The following RTTN variants were observed in gnomAD, a reference collection of about 807,000 sequenced individuals.
RTTN encodes rotatin.
RTTN carries 182 observed loss-of-function variants against 269.2 expected under a neutral mutation model. The observed-to-expected ratio is 0.68, with a 90% CI of 0.60 to 0.76. The LOEUF is 0.76. Ranked by LOEUF, RTTN falls within the 30% of genes least tolerant of loss-of-function variation. The probability of loss-of-function intolerance (pLI) is 0.00; values close to 1 mark genes in which losing one functional copy is unlikely to be tolerated. For synonymous variants in RTTN, 1,006 were observed against 963.5 expected (o/e 1.04, Z -0.82); for missense variants, 2,545 against 2,608.6 (o/e 0.98, Z 0.53).
chr18:70,102,079 G>T lies in RTTN; in HGVS notation c.3903+7419C>A, dbSNP rs185688903. ...TTGATTTGGGGTGGAGAGTTCTGTA[G>T]ATGCCTATTAGGTCCACTTGGTGCA... On this transcript the variant is annotated intron_variant, in intron 28 of 48. Transcript: ENST00000640769. Among the ~76,000 whole-genome samples, 175 of 152,306 alleles carry T rather than the reference G, an allele frequency of 1.1e-3. 1 individual carries two copies. The highest frequency in any genetic ancestry group is 3.7e-3 in the African/African-American group (154 of 41,570).
chr18:70,067,635 A>G (rs1018215244), intron 34 of RTTN, among the ~76,000 whole-genome samples: 1 of 152,100 alleles, frequency 6.6e-6, no homozygotes, highest in African/African-American at 2.4e-5. Flanking sequence ...TCCTGCCACA[A>G]CTCTTTTGGT....
At chr18:70,085,109 G>A (rs1008149563) in intron 32 of RTTN, among the ~76,000 whole-genome samples, 1 of 152,134 alleles carries the variant, frequency 6.6e-6, no homozygotes, top group Admixed American at 6.5e-5. Flanking sequence ...TGGGAGTAGA[G>A]ATTATTTGTA....
chr18:70,138,896 G>A (rs2060188368), intron 21 of RTTN: 1 of 151,660 alleles, frequency 6.6e-6, no homozygotes, highest in African/African-American at 2.4e-5. Flanking sequence ...TGACTCTTCA[G>A]CACATTCAGA....
chr18:70,163,633 G>C (rs954000963), intron 14 of RTTN, among the ~76,000 whole-genome samples: 4 of 152,148 alleles, frequency 2.6e-5, no homozygotes, highest in Non-Finnish European at 5.9e-5. Flanking sequence ...TAGGATGAGT[G>C]TCCCTTATCT....
rs2056679427 is a variant in RTTN at position 70,020,738 on chromosome 18, C to G, written c.6030G>C (p.Leu2010=). The stretch of plus-strand genomic sequence containing the variant: ...AAGCCAACTTTAGGATACACAGCAT[C>G]AGAGAGTTGCTCACGGCTCCTCTAT... ...ATHRGAVSNS[L]MLCILKLASQ... Residue 2010 remains leucine (L), a synonymous_variant, in exon 45 of 49, where the codon CTG becomes CTC. Coordinates refer to ENST00000640769, the MANE Select transcript of RTTN (RefSeq NM_173630.4). 6.2e-7 allele frequency: 1 copy of G among 1,614,090 alleles called. No homozygotes were observed. Among genetic ancestry groups the G allele is most frequent in the Non-Finnish European group, 8.5e-7 (1 of 1,179,942 alleles).
rs576883532 is a variant in RTTN, at chr18:70,201,367, C to T, written c.487+527G>A. 9.8e-4 allele frequency among the ~76,000 whole-genome samples: 149 copies of T among 152,022 alleles called. 1 individual carries two copies. The highest frequency in any genetic ancestry group is 3.5e-4 in the Non-Finnish European group (24 of 67,946). ...CCTGTAATCCCAGCACTTTGGGAGG[C>T]CGAGGCGGGCGGATCACGAGGTCAG... On this transcript the variant is annotated intron_variant, in intron 4 of 48. Transcript: ENST00000640769.
chr18:70,139,692 A>G lies in RTTN; in HGVS notation c.2695T>C (p.Cys899Arg). Residue 899 changes from cysteine (C) to arginine (R), a missense_variant, in exon 21 of 49, where the codon TGC becomes CGC. Physicochemically the swap from Cys to Arg is radical, Grantham distance 180 (BLOSUM62 -3). Coordinates refer to ENST00000640769, the MANE Select transcript of RTTN (RefSeq NM_173630.4). ...AAAACCTTCCTCAAGAGTGTGAGGC[A>G]TGGTTGTACCAAACATTCTACAACC... is the stretch of plus-strand genomic sequence containing the variant. ...GKVVECLVQP[C>R]LTLLRKVLCG... The G allele has an allele frequency of 6.2e-7, 1 of 1,612,554 alleles. No homozygotes were observed. Among genetic ancestry groups the G allele is most frequent in the Non-Finnish European group, 8.5e-7 (1 of 1,178,858 alleles).
intron 13 of RTTN, 145 bp downstream of exon 13, chr18:70,166,774 T>G: frequency 1.7e-6 from 1 of 598,688 alleles, no homozygotes; most frequent in South Asian, 2.2e-5. Context: ...ACATATACCC[T>G]TTAAAAATCA....
At chr18:70,187,239 C>T (rs1291318151) in intron 10 of RTTN, among the ~76,000 whole-genome samples, 1 of 152,042 alleles carries the variant, frequency 6.6e-6, no homozygotes, top group South Asian at 2.1e-4. Context: ...ATCCTCATAC[C>T]TACTATTCTA....
intron 34 of RTTN, among the ~76,000 whole-genome samples, chr18:70,071,785 T>G (rs938514840): frequency 1.2e-4 from 18 of 152,100 alleles, no homozygotes; most frequent in African/African-American, 4.3e-4. Context: ...ACAAAATGGA[T>G]AGTAACCCAG....
At chr18:70,187,320 T>G (rs970757344) in intron 10 of RTTN, among the ~76,000 whole-genome samples, 5 of 152,146 alleles carry the variant, frequency 3.3e-5, no homozygotes, top group Admixed American at 6.5e-5. Flanking sequence ...CCACCTTTTA[T>G]GCAGGATGGG....
At chr18:70,091,563 T>C (rs2058846839) in intron 30 of RTTN, 2 of 152,284 alleles carry the variant, frequency 1.3e-5, no homozygotes, top group Non-Finnish European at 2.9e-5. Flanking sequence ...AACTTGACTA[T>C]GCCGGCACTC....
At chr18:70,129,813 G>A (rs917210126) in intron 23 of RTTN, 1 of 151,930 alleles carries the variant, frequency 6.6e-6, no homozygotes, top group African/African-American at 2.4e-5. Flanking sequence ...CATAGCAAAG[G>A]AAACAGTCAA....
chr18:70,094,192 CTTT>C (rs2058932246), intron 28 of RTTN, among the ~76,000 whole-genome samples: 1 of 152,070 alleles, frequency 6.6e-6, no homozygotes, highest in African/African-American at 2.4e-5. Context: ...CTCTTTTCTT[CTTT>C]ATTAGTCAGG....
intron 14 of RTTN, among the ~76,000 whole-genome samples, chr18:70,157,268 A>T (rs1487164509): frequency 6.6e-6 from 1 of 152,112 alleles, no homozygotes; most frequent in Non-Finnish European, 1.5e-5. Flanking sequence ...AGTGCAGCAG[A>T]TGCTTGACCT....
At chr18:70,196,984 C>T (rs934449525) in intron 6 of RTTN, among the ~76,000 whole-genome samples, 1 of 152,150 alleles carries the variant, frequency 6.6e-6, no homozygotes, top group Non-Finnish European at 1.5e-5. Flanking sequence ...TCACAGCAAG[C>T]CCTTTTCATC....
intron 3 of RTTN, among the ~76,000 whole-genome samples, chr18:70,203,193 G>A (rs1179362520): frequency 6.6e-6 from 1 of 151,846 alleles, no homozygotes; most frequent in Non-Finnish European, 1.5e-5. Flanking sequence ...ACGATTCTAT[G>A]AGAAAGTGTT....
At position 70,072,313 on chromosome 18, in the gene RTTN, T is replaced by C. The variant is rs2058316806; in HGVS notation, c.4653+1593A>G. On this transcript the variant is annotated intron_variant, in intron 34 of 48. Coordinates refer to ENST00000640769, the MANE Select transcript of RTTN (RefSeq NM_173630.4). Reference sequence around the variant, plus strand: ...AATAAGAAATAAATTTTACACATATTACAAAATTCTTTTAAAAAAACTGAA... The same window carrying C: ...AATAAGAAATAAATTTTACACATATCACAAAATTCTTTTAAAAAAACTGAA... 1.2e-4 allele frequency among the ~76,000 whole-genome samples: 19 copies of C among 152,244 alleles called. 1 individual carries two copies. In the South Asian group the frequency reaches 3.9e-3, roughly 32 times the overall value.
chr18:70,052,601 C>T (rs1402149784), intron 38 of RTTN, among the ~76,000 whole-genome samples: 1 of 150,114 alleles, frequency 6.7e-6, no homozygotes, highest in Non-Finnish European at 1.5e-5. Context: ...TTTAGCTTTG[C>T]ACCTATACTT....
Sources: gnomAD v4.1 joint callset for allele counts (sites outside exome capture counted in the v4.1 genomes callset) on GRCh38, gnomAD v4.1.1 for gene constraint, MANE v1.5 for transcripts, NCBI Gene and HGNC (gene_info 2026-07-23, HGNC 2026-07-21) for gene names.